TNRC6B: variants seen among roughly 807,000 people sequenced by gnomAD.
TNRC6B encodes trinucleotide repeat-containing gene 6B protein.
TNRC6B carries 52 observed loss-of-function variants against 203.6 expected under a neutral mutation model. That is an observed-to-expected ratio of 0.26 (90% confidence interval 0.20 to 0.32). The LOEUF is 0.32. Ranked by LOEUF, TNRC6B falls within the 10% of genes least tolerant of loss-of-function variation. TNRC6B has a pLI of 1.00. For synonymous variants in TNRC6B, 838 were observed against 845.7 expected (o/e 0.99, Z 0.16); for missense variants, 1,923 against 2,286.2 (o/e 0.84, Z 3.24).
intron 1 of TNRC6B, among the ~76,000 whole-genome samples, chr22:40,046,501 A>G (rs1427515838): frequency 2.0e-5 from 3 of 152,152 alleles, no homozygotes; most frequent in Non-Finnish European, 4.4e-5. Flanking sequence ...CCCAAACACC[A>G]TTATTTGAGC....
chr22:40,239,548 G>C (rs2069998485), intron 1 of TNRC6B, among the ~76,000 whole-genome samples: 2 of 152,188 alleles, frequency 1.3e-5, no homozygotes, highest in African/African-American at 4.8e-5. Flanking sequence ...ACTAGGGTAA[G>C]GTGTGATGGG....
At chr22:40,125,430 A>C (rs1455023296) in intron 2 of TNRC6B, among the ~76,000 whole-genome samples, 1 of 152,176 alleles carries the variant, frequency 6.6e-6, no homozygotes, top group Non-Finnish European at 1.5e-5. Context: ...TCACTGCCAT[A>C]CTTTCTTGCA....
At chr22:40,065,001 TG>T (rs1474237265) in intron 1 of TNRC6B, among the ~76,000 whole-genome samples, 1 of 151,952 alleles carries the variant, frequency 6.6e-6, no homozygotes, top group Non-Finnish European at 1.5e-5. Context: ...TAAGAGATAA[TG>T]GTCTATAGCA....
chr22:40,163,703 G>A (rs1235029498), intron 4 of TNRC6B, among the ~76,000 whole-genome samples: 3 of 152,014 alleles, frequency 2.0e-5, no homozygotes, highest in Admixed American at 6.5e-5. Flanking sequence ...GGAGGTTGCA[G>A]TGAGCCAAGA....
intron 1 of TNRC6B, among the ~76,000 whole-genome samples, chr22:40,179,890 A>T (rs956081574): frequency 6.6e-6 from 1 of 152,242 alleles, no homozygotes; most frequent in African/African-American, 2.4e-5. Context: ...TGAATACATA[A>T]GATAATTAAA....
Position 40,132,494 on chromosome 22 carries a change from C to T in TNRC6B, c.45+6632C>T, listed in dbSNP as rs2413613. Among the ~76,000 whole-genome samples the T allele has an allele frequency of 2.1e-4, 18 of 87,714 alleles. No homozygotes were observed. In the East Asian group the frequency reaches 5.4e-3, roughly 26 times the overall value. 57.5% of individuals were successfully genotyped at this position (87,714 alleles called of 152,430 possible). ...AAACTCCATCTCAATAAAGGCGAGG[C>T]GAGGGCGAGGGCGAGGGCGAGGGGC... On this transcript the variant is annotated intron_variant, in intron 3 of 23. Coordinates refer to the TNRC6B transcript ENST00000301923.
intron 1 of TNRC6B, among the ~76,000 whole-genome samples, chr22:40,049,922 T>A (rs2067731187): frequency 6.6e-6 from 1 of 152,222 alleles, no homozygotes; most frequent in Non-Finnish European, 1.5e-5. Context: ...TTGCTACTTC[T>A]TCGTACTCAG....
At chr22:40,094,511 A>G (rs564027467) in intron 1 of TNRC6B, among the ~76,000 whole-genome samples, 48 of 152,302 alleles carry the variant, frequency 3.2e-4, no homozygotes, top group African/African-American at 1.1e-3. Flanking sequence ...AAGTTGATGA[A>G]AGTGTTGTGA....
chr22:40,093,854 A>G (rs2068167291), intron 1 of TNRC6B, among the ~76,000 whole-genome samples: 1 of 152,168 alleles, frequency 6.6e-6, no homozygotes, highest in African/African-American at 2.4e-5. Flanking sequence ...GTACAAAAAT[A>G]CAGTTAGATA....
chr22:40,225,579 A>T (rs557490934), intron 1 of TNRC6B, among the ~76,000 whole-genome samples: 24 of 152,180 alleles, frequency 1.6e-4, no homozygotes, highest in East Asian at 1.4e-3. Context: ...AAAAATTTTT[A>T]AAATAAAATA....
chr22:40,238,920 C>T (rs1018261819), intron 1 of TNRC6B, among the ~76,000 whole-genome samples: 5 of 152,150 alleles, frequency 3.3e-5, no homozygotes, highest in East Asian at 3.9e-4. Flanking sequence ...GTGCCTGGCT[C>T]GGCTGGGCGC....
chr22:40,254,452 C>T (rs1369231905), intron 3 of TNRC6B, among the ~76,000 whole-genome samples: 4 of 152,024 alleles, frequency 2.6e-5, no homozygotes, highest in Non-Finnish European at 5.9e-5. Context: ...CCCAGGAGTT[C>T]AAGGCTGCAG....
At chr22:40,099,508 A>G (rs976700818) in intron 1 of TNRC6B, among the ~76,000 whole-genome samples, 10 of 152,126 alleles carry the variant, frequency 6.6e-5, no homozygotes, top group Admixed American at 1.3e-4. Flanking sequence ...CATGACTCCA[A>G]TCAATCATGG....
chr22:40,212,281 C>T (rs957820213), intron 1 of TNRC6B, among the ~76,000 whole-genome samples: 5 of 152,200 alleles, frequency 3.3e-5, no homozygotes, highest in Non-Finnish European at 7.3e-5. Context: ...ACATCTGTGA[C>T]CTTGGACCCT....
intron 1 of TNRC6B, among the ~76,000 whole-genome samples, chr22:40,104,974 A>G (rs1601817661): frequency 6.6e-6 from 1 of 152,204 alleles, no homozygotes; most frequent in East Asian, 1.9e-4. Flanking sequence ...AGAGGCACCC[A>G]AGCTGTGTCT....
At chr22:40,279,951 A>G (rs772732677) in intron 9 of TNRC6B, 44 bp from the exon 10 acceptor site, 3 of 1,603,312 alleles carry the variant, frequency 1.9e-6, no homozygotes, top group Non-Finnish European at 2.6e-6. Flanking sequence ...CATGGGGGAA[A>G]CATTGATTCT....
chr22:40,152,958 C>T (rs1568999920), intron 3 of TNRC6B, among the ~76,000 whole-genome samples: 1 of 151,762 alleles, frequency 6.6e-6, no homozygotes, highest in Non-Finnish European at 1.5e-5. Context: ...AAAAATTAGC[C>T]AGGTGTAGTG....
At chr22:40,130,916 T>G (rs1425503181) in intron 3 of TNRC6B, among the ~76,000 whole-genome samples, 1 of 151,762 alleles carries the variant, frequency 6.6e-6, no homozygotes, top group Non-Finnish European at 1.5e-5. Flanking sequence ...AAGTCTTTTT[T>G]TTTGAGACAG....
chr22:40,239,247 T>G (rs1228872368), intron 1 of TNRC6B, among the ~76,000 whole-genome samples: 1 of 152,090 alleles, frequency 6.6e-6, no homozygotes, highest in Non-Finnish European at 1.5e-5. Context: ...CAATAAATGT[T>G]TGTTAAAGGA....
Sources: gnomAD v4.1 joint callset for allele counts (sites outside exome capture counted in the v4.1 genomes callset) on GRCh38, gnomAD v4.1.1 for gene constraint, MANE v1.5 for transcripts, NCBI Gene and HGNC (gene_info 2026-07-23, HGNC 2026-07-21) for gene names.